Variants in CEP135 observed in about 807,000 individuals in gnomAD.
The protein encoded by CEP135 is centrosomal protein of 135 kDa.
A neutral mutation model predicts 157.3 loss-of-function variants in CEP135; 142 were observed. The observed-to-expected ratio is 0.90, with a 90% CI of 0.79 to 1.04. CEP135 has a LOEUF of 1.04. Among genes scored for constraint, CEP135 ranks in the 50% least tolerant of loss-of-function variants. CEP135 has a pLI of 0.00. For synonymous variants in CEP135, 396 were observed against 439.8 expected, an observed-to-expected ratio of 0.90 and a Z score of 1.25; for missense variants, 1,317 against 1,309.2, an observed-to-expected ratio of 1.01 and a Z score of -0.09.
At chr4:55,976,626 G>T (rs375141503) in intron 11 of CEP135, among the ~76,000 whole-genome samples, 23 of 152,120 alleles carry the variant, frequency 1.5e-4, no homozygotes, top group African/African-American at 5.3e-4. Flanking sequence ...ACCTGGCATA[G>T]ACAAAGAATT....
At chr4:55,996,193 T>A (rs1040071652) in intron 15 of CEP135, among the ~76,000 whole-genome samples, 7 of 152,080 alleles carry the variant, frequency 4.6e-5, no homozygotes, top group African/African-American at 1.7e-4. Flanking sequence ...ACAATCATGG[T>A]TCACTGAAAC....
intron 10 of CEP135, among the ~76,000 whole-genome samples, chr4:55,972,350 G>C (rs896309905): frequency 6.6e-5 from 10 of 152,086 alleles, no homozygotes; most frequent in African/African-American, 9.7e-5. Context: ...GTTAATTTTA[G>C]TTGATAAGAG....
chr4:55,969,235 A>G (rs1295091919), intron 9 of CEP135, 107 bp downstream of exon 9: 1 of 821,690 alleles, frequency 1.2e-6, no homozygotes, highest in African/African-American at 1.8e-5. Flanking sequence ...CCATCCAGCC[A>G]CATCAACATG....
intron 25 of CEP135, among the ~76,000 whole-genome samples, chr4:56,028,135 C>A (rs1237964820): frequency 6.6e-6 from 1 of 152,080 alleles, no homozygotes; most frequent in African/African-American, 2.4e-5. Context: ...TTGAAGACAC[C>A]TGGGTTGTTT....
chr4:56,006,947 G>T (rs1424758374), intron 17 of CEP135, among the ~76,000 whole-genome samples: 1 of 152,162 alleles, frequency 6.6e-6, no homozygotes, highest in African/African-American at 2.4e-5. Flanking sequence ...AGACTGGAGT[G>T]CAGTGGCATC....
At chr4:56,021,884 C>T (rs1311484823) in intron 24 of CEP135, among the ~76,000 whole-genome samples, 1 of 151,932 alleles carries the variant, frequency 6.6e-6, no homozygotes, top group Middle Eastern at 3.2e-3. Context: ...TGAAAATTAG[C>T]TGGGGCATGG....
At position 56,017,874 on chromosome 4, in the gene CEP135, G is replaced by T. The variant is rs1411041027; in HGVS notation, c.3012+17G>T. On this transcript the variant is annotated intron_variant, in intron 22 of 25. Transcript: ENST00000257287. ...TTTGAGAGGGTAAGAAAGATAAATT[G>T]TCTTGGCACATTGTTTTATTGAGCC... The T allele has an allele frequency of 6.2e-7, 1 of 1,600,940 alleles. No homozygotes were observed.
At chr4:55,952,998 G>GTATTT in intron 2 of CEP135, 87 bp from the exon 3 acceptor site, 1 of 1,164,614 alleles carries the variant, frequency 8.6e-7, no homozygotes, top group South Asian at 1.7e-5. Flanking sequence ...GTGCATGACT[G>GTATTT]TATTTTAAGC....
chr4:55,986,709 G>A (rs955474964), intron 14 of CEP135, among the ~76,000 whole-genome samples: 3 of 152,114 alleles, frequency 2.0e-5, no homozygotes, highest in Non-Finnish European at 2.9e-5. Context: ...TTTGTTATAT[G>A]GGTATACTGT....
chr4:55,968,321 A>G (rs1174408650), intron 8 of CEP135, among the ~76,000 whole-genome samples: 3 of 152,088 alleles, frequency 2.0e-5, no homozygotes, highest in South Asian at 2.1e-4. Context: ...CAATATTGTT[A>G]AAGTGTCCAT....
chr4:56,018,486 G>A (rs767732696), intron 22 of CEP135, among the ~76,000 whole-genome samples: 12 of 152,078 alleles, frequency 7.9e-5, no homozygotes, highest in Non-Finnish European at 1.2e-4. Context: ...GGCCAGGTAC[G>A]ATAGCTTACA....
At chr4:56,001,626 T>G (rs1182951210) in intron 17 of CEP135, among the ~76,000 whole-genome samples, 1 of 152,180 alleles carries the variant, frequency 6.6e-6, no homozygotes, top group Non-Finnish European at 1.5e-5. Flanking sequence ...TGTCTTGTTT[T>G]TACACCAATA....
Position 55,981,383 on chromosome 4 carries a change from A to G in CEP135, c.1779+4A>G. On this transcript the variant is annotated splice_donor_region_variant and intron_variant, in intron 13 of 25. Coordinates refer to ENST00000257287, the MANE Select transcript of CEP135 (RefSeq NM_025009.5). ...AGCTTTAAGAGAAAAATTAGAGGTA[A>G]GAAGATTGACATGTTTTTGAAAGGT... The G allele has an allele frequency of 6.4e-7, 1 of 1,567,788 alleles. No homozygotes were observed. The highest frequency in any genetic ancestry group is 8.6e-7 in the Non-Finnish European group (1 of 1,165,844).
intron 20 of CEP135, 99 bp from the exon 21 acceptor site, chr4:56,011,701 T>A: frequency 9.1e-7 from 1 of 1,097,844 alleles, no homozygotes; most frequent in Non-Finnish European, 1.3e-6. Context: ...GCTTCCTAAA[T>A]TAGAACAGAA....
chr4:55,963,590 A>G (rs1411304506), intron 6 of CEP135, among the ~76,000 whole-genome samples: 2 of 152,212 alleles, frequency 1.3e-5, no homozygotes, highest in Non-Finnish European at 2.9e-5. Flanking sequence ...TACTAAAAAT[A>G]CAAAAATTAG....
At chr4:55,990,198 T>G (rs2109698939) in intron 14 of CEP135, among the ~76,000 whole-genome samples, 1 of 152,338 alleles carries the variant, frequency 6.6e-6, no homozygotes, top group East Asian at 1.9e-4. Context: ...ACTTATGCCT[T>G]TAAATATGTT....
Position 55,952,076 on chromosome 4 carries a change from T to C in CEP135, c.-45-10T>C. 1.2e-6 allele frequency: 1 copy of C among 857,186 alleles called. No homozygotes were observed. The highest frequency in any genetic ancestry group is 2.1e-5 in the Admixed American group (1 of 47,770). The allele number at this position is 857,186 out of a possible 1,614,324, so 53.1% of individuals were successfully genotyped here. ...TAATAAGATAATGATGTTTCATTCT[T>C]TTCTCTCAGGACTTTAATTTTTGGA... On this transcript the variant is annotated splice_polypyrimidine_tract_variant and intron_variant, in intron 1 of 25. Transcript: ENST00000257287.
chr4:56,004,926 ATTT>A (rs141401678), intron 17 of CEP135, among the ~76,000 whole-genome samples: 27,835 of 126,552 alleles, frequency 0.22, 2,672 homozygotes, highest in Non-Finnish European at 0.26. Context: ...TAATGCTGCC[ATTT>A]TTTTTTTTTT....
chr4:55,951,626 A>G (rs1312172158), intron 1 of CEP135, among the ~76,000 whole-genome samples: 1 of 152,164 alleles, frequency 6.6e-6, no homozygotes, highest in Non-Finnish European at 1.5e-5. Context: ...GAGTTGTAAG[A>G]ATTCCTTTTA....
Sources: gnomAD v4.1 joint callset for allele counts (sites outside exome capture counted in the v4.1 genomes callset) on GRCh38, gnomAD v4.1.1 for gene constraint, MANE v1.5 for transcripts, NCBI Gene and HGNC (gene_info 2026-07-23, HGNC 2026-07-21) for gene names.